The following SLC5A3 variants were observed in gnomAD, a reference collection of about 807,000 sequenced individuals.
SLC5A3 encodes the protein solute carrier family 5 member 3, also known as sodium/myo-inositol cotransporter.
A neutral mutation model predicts 43.2 loss-of-function variants in SLC5A3; 10 were observed. The ratio of observed to expected loss-of-function variants is 0.23; its 90% CI spans 0.14 to 0.39. The LOEUF is 0.39. SLC5A3 is among the 10% of genes least tolerant of loss of function. The pLI is 1.00. For synonymous variants in SLC5A3, 349 were observed against 322.0 expected (o/e 1.08, Z -0.90); for missense variants, 608 against 893.4 (o/e 0.68, Z 4.07).
rs552580937 is a variant in SLC5A3, at chr21:34,082,317, T to C, written c.-337+8572T>C. On this transcript the variant is annotated intron_variant, in intron 1 of 1. Transcript: ENST00000381151. ...TCTATAGTTTCGGATTGTTGGGTTG[T>C]ATATGTGCATTTAGGCTAAAATATA... Among the ~76,000 whole-genome samples the C allele has an allele frequency of 7.2e-5, 11 of 152,312 alleles. No homozygotes were observed. In the South Asian group the frequency reaches 2.3e-3, roughly 32 times the overall value.
At position 34,098,414 on chromosome 21, in the gene SLC5A3, G is replaced by A; in HGVS notation, c.*1059G>A. 2.0e-6 allele frequency: 2 copies of A among 1,000,092 alleles called. No homozygotes were observed. Among genetic ancestry groups the A allele is most frequent in the Non-Finnish European group, 2.4e-6 (2 of 829,926 alleles). 62.0% of individuals were successfully genotyped at this position (1,000,092 alleles called of 1,614,324 possible). ...TATATCAAGGTTGAATTTTTAGAGG[G>A]AAAATTTAATTCTGATATCTTATTG... On this transcript the variant is annotated 3_prime_UTR_variant, in exon 2 of 2. Coordinates refer to ENST00000381151, the MANE Select transcript of SLC5A3 (RefSeq NM_006933.7).
At position 34,090,490 on chromosome 21, in the gene SLC5A3, G is replaced by A. The variant is rs756626780; in HGVS notation, c.-336-4373G>A. Among the ~76,000 whole-genome samples, 52 of 152,170 alleles carry A rather than the reference G, an allele frequency of 3.4e-4. 1 individual carries two copies. The highest frequency in any genetic ancestry group is 1.6e-4 in the Non-Finnish European group (11 of 68,024). On this transcript the variant is annotated intron_variant, in intron 1 of 1. Coordinates refer to ENST00000381151, the MANE Select transcript of SLC5A3 (RefSeq NM_006933.7). ...AGCTAATAGTTGATGAGACAGTTGGGAGTCTAAAATGTTTGAGAGAGCTGC... is the reference window on the plus strand; with the variant it reads ...AGCTAATAGTTGATGAGACAGTTGGAAGTCTAAAATGTTTGAGAGAGCTGC...
rs1978985051 is a variant in SLC5A3, at chr21:34,096,834, T to C, written c.1636T>C (p.Phe546Leu). The stretch of plus-strand genomic sequence containing the variant: ...AAAGGAACAGATTCGAACCACCACC[T>C]TTTGGTCTAAGAAGAACCTGGTGGT... ...PTKEQIRTTT[F>L]WSKKNLVVKE... The change falls in exon 2 of 2, where the codon TTT (phenylalanine) becomes CTT (leucine). Residue 546 changes from phenylalanine to leucine, a missense_variant. Phe to Leu is a conservative substitution (Grantham distance 22, BLOSUM62 0). Transcript: ENST00000381151. The surrounding 1 kb of genome is among the most constrained non-coding windows in gnomAD (Gnocchi z 5.9). 3 of 1,613,884 alleles carry C rather than the reference T, an allele frequency of 1.9e-6. No individual in the cohort carries two copies. Among genetic ancestry groups the C allele is most frequent in the Admixed American group, 3.3e-5 (2 of 59,964 alleles).
intron 1 of SLC5A3, among the ~76,000 whole-genome samples, chr21:34,088,334 A>C (rs1290501936): frequency 1.3e-5 from 2 of 152,210 alleles, no homozygotes; most frequent in South Asian, 2.1e-4. Flanking sequence ...GATGGTGAGA[A>C]CATAGATACG....
In SLC5A3 at chr21:34,098,747, T is replaced by G; in HGVS notation, c.*1392T>G. On this transcript the variant is annotated 3_prime_UTR_variant, in exon 2 of 2. Coordinates refer to ENST00000381151, the MANE Select transcript of SLC5A3 (RefSeq NM_006933.7). ...AACTTGACATGGCTTGGCACCCACT[T>G]GCAGCTAGTGGGTACAGGGTACAAA... 1.0e-6 allele frequency: 1 copy of G among 1,000,212 alleles called. No homozygotes were observed. The highest frequency in any genetic ancestry group is 1.2e-6 in the Non-Finnish European group (1 of 829,952). The allele number at this position is 1,000,212 out of a possible 1,614,324, so 62.0% of individuals were successfully genotyped here.
intron 1 of SLC5A3, among the ~76,000 whole-genome samples, chr21:34,094,403 T>G (rs1024554034): frequency 1.3e-5 from 2 of 152,174 alleles, no homozygotes; most frequent in African/African-American, 2.4e-5. Context: ...GCCTGTTCCA[T>G]CCAGGACCCT....
In SLC5A3 at chr21:34,102,583, G is replaced by C; in HGVS notation, c.*5228G>C. The C allele has an allele frequency of 2.0e-6, 2 of 1,000,076 alleles. No homozygotes were observed. The highest frequency in any genetic ancestry group is 2.4e-6 in the Non-Finnish European group (2 of 829,852). The allele number at this position is 1,000,076 out of a possible 1,614,324, so 62.0% of individuals were successfully genotyped here. On this transcript the variant is annotated 3_prime_UTR_variant, in exon 2 of 2. Coordinates refer to ENST00000381151, the MANE Select transcript of SLC5A3 (RefSeq NM_006933.7). ...TTTTGGGCAGTACCATACATAGTCT[G>C]AGGCTATTGACTTAAACCAATAACT...
At position 34,092,930 on chromosome 21, in the gene SLC5A3, G is replaced by C. The variant is rs887957755; in HGVS notation, c.-336-1933G>C. Among the ~76,000 whole-genome samples, 3 of 152,292 alleles carry C rather than the reference G, an allele frequency of 2.0e-5. No individual in the cohort carries two copies. In the South Asian group the frequency reaches 6.2e-4, roughly 32 times the overall value. On this transcript the variant is annotated intron_variant, in intron 1 of 1. Coordinates refer to ENST00000381151, the MANE Select transcript of SLC5A3 (RefSeq NM_006933.7). ...CTGAGGATGACTTGGATGGCTGTTG[G>C]GTAGCAGAGAGCCCTGGAGGCAGGG...
chr21:34,105,692 T>G lies in SLC5A3; in HGVS notation c.*8337T>G. 1 of 998,568 alleles carries G rather than the reference T, an allele frequency of 1.0e-6. No individual in the cohort carries two copies. The highest frequency in any genetic ancestry group is 1.7e-5 in the African/African-American group (1 of 57,332). 61.9% of individuals were successfully genotyped at this position (998,568 alleles called of 1,614,324 possible). ...TGATGAACATTAATTTTGTTATTAG[T>G]GAGTTTTTTGAATTGTAAATGGATT... On this transcript the variant is annotated 3_prime_UTR_variant, in exon 2 of 2. Transcript: ENST00000381151.
intron 1 of SLC5A3, among the ~76,000 whole-genome samples, chr21:34,074,869 C>T (rs547963537): frequency 1.8e-4 from 28 of 152,230 alleles, no homozygotes; most frequent in African/African-American, 6.5e-4. Context: ...CACGGAGCGT[C>T]GGGAGATTGT....
chr21:34,100,677 T>G lies in SLC5A3; in HGVS notation c.*3322T>G, dbSNP rs1335791815. ...ATTTTAAGAACTGAGTTGAGGGGGTTGTTATGCACTTCTGTAACTTGAGGC... is the reference window on the plus strand; with the variant it reads ...ATTTTAAGAACTGAGTTGAGGGGGTGGTTATGCACTTCTGTAACTTGAGGC... On this transcript the variant is annotated 3_prime_UTR_variant, in exon 2 of 2. Coordinates refer to ENST00000381151, the MANE Select transcript of SLC5A3 (RefSeq NM_006933.7). 10 of 1,000,272 alleles carry G rather than the reference T, an allele frequency of 1.0e-5. No homozygotes were observed. In the East Asian group the frequency reaches 7.9e-4, roughly 79 times the overall value. 62.0% of individuals were successfully genotyped at this position (1,000,272 alleles called of 1,614,324 possible). A position where few individuals can be genotyped will look rare whatever the true frequency, so the allele number is the denominator to read the frequency against.
chr21:34,104,108 G>C lies in SLC5A3; in HGVS notation c.*6753G>C. The C allele has an allele frequency of 3.0e-6, 3 of 999,808 alleles. No homozygotes were observed. The highest frequency in any genetic ancestry group is 3.6e-6 in the Non-Finnish European group (3 of 829,802). The allele number at this position is 999,808 out of a possible 1,614,324, so 61.9% of individuals were successfully genotyped here. A position where few individuals can be genotyped will look rare whatever the true frequency, so the allele number is the denominator to read the frequency against. ...TTTTTTTGTGTACGTTTGTATGTGAGAGATGAAGTTACCTTTATTTTTTTC... is the reference window on the plus strand; with the variant it reads ...TTTTTTTGTGTACGTTTGTATGTGACAGATGAAGTTACCTTTATTTTTTTC... On this transcript the variant is annotated 3_prime_UTR_variant, in exon 2 of 2. Coordinates refer to ENST00000381151, the MANE Select transcript of SLC5A3 (RefSeq NM_006933.7).
chr21:34,092,004 T>A (rs1422036968), intron 1 of SLC5A3, among the ~76,000 whole-genome samples: 1 of 152,122 alleles, frequency 6.6e-6, no homozygotes, highest in African/African-American at 2.4e-5. Flanking sequence ...AAATACAAGT[T>A]AAAAAGCCTC....
intron 1 of SLC5A3, among the ~76,000 whole-genome samples, chr21:34,082,660 C>T (rs1333571439): frequency 6.6e-6 from 1 of 152,110 alleles, no homozygotes; most frequent in Non-Finnish European, 1.5e-5. Flanking sequence ...GAGGTGATGA[C>T]ATTTTTATTT....
rs759259884 is a variant in SLC5A3 at position 34,097,274 on chromosome 21, G to A, written c.2076G>A (p.Arg692=). Residue 692 remains arginine, a synonymous_variant, in exon 2 of 2, where the codon CGG becomes CGA. Transcript: ENST00000381151. ...GTTTACAGATGCTAGAAGAGACTCG[G>A]CAAGTTAAAGTAATACTAAATATTG... The part of the protein sequence containing the change: ...AVCLQMLEET[R]QVKVILNIGL... 1.9e-6 allele frequency: 3 copies of A among 1,613,832 alleles called. No individual in the cohort carries two copies. The South Asian group carries it at 3.3e-5, about 18-fold the overall frequency.
At chr21:34,075,979 G>A (rs1251552971) in intron 1 of SLC5A3, among the ~76,000 whole-genome samples, 1 of 152,210 alleles carries the variant, frequency 6.6e-6, no homozygotes, top group East Asian at 1.9e-4. Context: ...GTTGCAAGAA[G>A]GGTATTGAAG....
Position 34,102,253 on chromosome 21 carries a change from C to T in SLC5A3, c.*4898C>T. On this transcript the variant is annotated 3_prime_UTR_variant, in exon 2 of 2. Transcript: ENST00000381151. ...GGCTTTGCCAGTGGTGAGTCCCACA[C>T]CATTATTCACTTAGTAGTCATATAA... is the stretch of plus-strand genomic sequence containing the variant. 3.0e-6 allele frequency: 3 copies of T among 999,858 alleles called. No homozygotes were observed. The highest frequency in any genetic ancestry group is 3.6e-6 in the Non-Finnish European group (3 of 829,786). The allele number at this position is 999,858 out of a possible 1,614,324, so 61.9% of individuals were successfully genotyped here. A position where few individuals can be genotyped will look rare whatever the true frequency, so the allele number is the denominator to read the frequency against.
At chr21:34,080,451 G>A (rs1371393951) in intron 1 of SLC5A3, among the ~76,000 whole-genome samples, 1 of 151,770 alleles carries the variant, frequency 6.6e-6, no homozygotes, top group Non-Finnish European at 1.5e-5. Context: ...CTTTGGTGCC[G>A]GCATCATGCT....
Position 34,095,852 on chromosome 21 carries a change from G to A in SLC5A3, c.654G>A (p.Met218Ile). 1 of 1,614,060 alleles carries A rather than the reference G, an allele frequency of 6.2e-7. No individual in the cohort carries two copies. Among genetic ancestry groups the A allele is most frequent in the Non-Finnish European group, 8.5e-7 (1 of 1,179,988 alleles). Reference protein sequence around the residue: ...GGFEEVKRRYMLASPDVTSIL... With the variant: ...GGFEEVKRRYILASPDVTSIL... ...TTGAGGAAGTTAAGAGAAGGTACAT[G>A]TTGGCCTCACCCGATGTCACTTCCA... The change falls in exon 2 of 2, where the codon ATG becomes ATA. Residue 218 changes from methionine (M) to isoleucine (I), a missense_variant. Met to Ile is a conservative substitution (Grantham distance 10). Coordinates refer to ENST00000381151, the MANE Select transcript of SLC5A3 (RefSeq NM_006933.7).
Sources: gnomAD v4.1 joint callset for allele counts (sites outside exome capture counted in the v4.1 genomes callset) on GRCh38, gnomAD v4.1.1 for gene constraint, Gnocchi (gnomAD v3.1) non-coding constraint, MANE v1.5 for transcripts, NCBI Gene and HGNC (gene_info 2026-07-23, HGNC 2026-07-21) for gene names.